The following PTPRM variants were observed in gnomAD, a reference collection of about 807,000 sequenced individuals.
The protein encoded by PTPRM is receptor-type tyrosine-protein phosphatase mu.
In PTPRM, 47 loss-of-function variants were observed where a neutral mutation model predicts 186.7. That is an observed-to-expected ratio of 0.25 (90% CI 0.20 to 0.32). PTPRM has a LOEUF of 0.32. Ranked by LOEUF, PTPRM falls within the 10% of genes least tolerant of loss-of-function variation. The probability of loss-of-function intolerance (pLI) is 1.00; values close to 1 mark genes in which losing one functional copy is unlikely to be tolerated. For missense variants in PTPRM, 1,494 were observed against 1,865.0 expected, an observed-to-expected ratio of 0.80 and a Z score of 3.66; for synonymous variants, 668 against 674.9, an observed-to-expected ratio of 0.99 and a Z score of 0.16.
chr18:7,615,619 C>A (rs867580739), intron 1 of PTPRM, among the ~76,000 whole-genome samples: 1 of 152,122 alleles, frequency 6.6e-6, no homozygotes, highest in African/African-American at 2.4e-5. Context: ...GAAGTCCTCC[C>A]CTCCCTTCCT....
In PTPRM at chr18:7,966,515, G is replaced by C. The variant is rs538840479; in HGVS notation, c.1132+11101G>C. On this transcript the variant is annotated intron_variant, in intron 7 of 32. Coordinates refer to ENST00000580170, the MANE Select transcript of PTPRM (RefSeq NM_001105244.2). ...TCCCAGCGTGAGCGACGCAGAAGAC[G>C]GGTGATTTCTGCATTTCCATCTGAG... Among the ~76,000 whole-genome samples, 15 of 151,606 alleles carry C rather than the reference G, an allele frequency of 9.9e-5. No individual in the cohort carries two copies. In the East Asian group the frequency reaches 2.1e-3, roughly 22 times the overall value.
chr18:7,627,317 C>T (rs1287016870), intron 1 of PTPRM, among the ~76,000 whole-genome samples: 1 of 152,150 alleles, frequency 6.6e-6, no homozygotes, highest in African/African-American at 2.4e-5. Flanking sequence ...ATAGCTGTCT[C>T]CCTCAAAGGC....
intron 2 of PTPRM, among the ~76,000 whole-genome samples, chr18:7,867,638 C>G (rs2047777181): frequency 1.3e-5 from 2 of 152,142 alleles, no homozygotes; most frequent in Admixed American, 6.5e-5. Context: ...ATATTTTATC[C>G]TTCATTTCAA....
intron 19 of PTPRM, among the ~76,000 whole-genome samples, chr18:8,265,564 G>A (rs1568630263): frequency 1.3e-5 from 2 of 151,312 alleles, no homozygotes; most frequent in Non-Finnish European, 3.0e-5. Context: ...TCAATGGAAT[G>A]ATACAAAATA....
Position 8,085,891 on chromosome 18 carries a change from T to C in PTPRM, c.1753+19T>C. On this transcript the variant is annotated intron_variant, in intron 10 of 32. Coordinates refer to ENST00000580170, the MANE Select transcript of PTPRM (RefSeq NM_001105244.2). Reference sequence around the variant, plus strand: ...ATATCAGGTACTCTACATTCGTGAGTTGTGTCTTTTATCAGAAGTAACATT... The same window carrying C: ...ATATCAGGTACTCTACATTCGTGAGCTGTGTCTTTTATCAGAAGTAACATT... The C allele has an allele frequency of 6.2e-7, 1 of 1,603,720 alleles. No individual in the cohort carries two copies. The highest frequency in any genetic ancestry group is 8.5e-7 in the Non-Finnish European group (1 of 1,171,254).
chr18:8,040,773 G>C (rs2086643241), intron 7 of PTPRM, among the ~76,000 whole-genome samples: 1 of 152,190 alleles, frequency 6.6e-6, no homozygotes, highest in African/African-American at 2.4e-5. Flanking sequence ...TTTATCTGGA[G>C]AATGTTGTTC....
intron 31 of PTPRM, among the ~76,000 whole-genome samples, chr18:8,392,427 A>G (rs750318447): frequency 3.9e-5 from 6 of 152,100 alleles, no homozygotes; most frequent in Non-Finnish European, 5.9e-5. Flanking sequence ...GATTGAGACT[A>G]TCCTGGCTAA....
intron 14 of PTPRM, among the ~76,000 whole-genome samples, chr18:8,212,447 A>G (rs1043927808): frequency 6.6e-6 from 1 of 152,028 alleles, no homozygotes; most frequent in Non-Finnish European, 1.5e-5. Flanking sequence ...GTGTGTGTGT[A>G]TACACACACA....
At chr18:8,139,605 T>C (rs1009619741) in intron 13 of PTPRM, among the ~76,000 whole-genome samples, 9 of 152,194 alleles carry the variant, frequency 5.9e-5, no homozygotes, top group African/African-American at 1.9e-4. Flanking sequence ...ATGCTTCACC[T>C]TCTCCGCAGT....
At chr18:8,341,212 G>C (rs184188327) in intron 22 of PTPRM, among the ~76,000 whole-genome samples, 16 of 152,342 alleles carry the variant, frequency 1.1e-4, no homozygotes, top group Admixed American at 9.1e-4. Flanking sequence ...AGTCGAGAAA[G>C]GGAATCATAC....
At chr18:8,094,906 T>G (rs1253489132) in intron 11 of PTPRM, among the ~76,000 whole-genome samples, 1 of 152,170 alleles carries the variant, frequency 6.6e-6, no homozygotes, top group Non-Finnish European at 1.5e-5. Flanking sequence ...AAGCATAGTT[T>G]CAAATCCAGG....
chr18:7,931,640 G>C (rs2051491705), intron 5 of PTPRM, among the ~76,000 whole-genome samples: 1 of 152,192 alleles, frequency 6.6e-6, no homozygotes, highest in African/African-American at 2.4e-5. Context: ...GGCGGAGGTT[G>C]CAGTGAGCCG....
intron 14 of PTPRM, among the ~76,000 whole-genome samples, chr18:8,187,586 G>A (rs944117234): frequency 6.6e-6 from 1 of 152,362 alleles, no homozygotes; most frequent in Non-Finnish European, 1.5e-5. Flanking sequence ...TGGTAACAGT[G>A]TGGACAGCAC....
intron 19 of PTPRM, among the ~76,000 whole-genome samples, chr18:8,271,844 GTTTA>G (rs1178099377): frequency 6.6e-6 from 1 of 151,692 alleles, no homozygotes; most frequent in African/African-American, 2.4e-5. Context: ...TAATTATATA[GTTTA>G]TTTATGCCTT....
intron 1 of PTPRM, among the ~76,000 whole-genome samples, chr18:7,633,995 T>TC (rs1464913696): frequency 6.6e-6 from 1 of 152,112 alleles, no homozygotes; most frequent in Non-Finnish European, 1.5e-5. Context: ...CTTCCATTTT[T>TC]CACCTGGGAA....
chr18:7,984,987 T>A lies in PTPRM; in HGVS notation c.1132+29573T>A, dbSNP rs1156922736. On this transcript the variant is annotated intron_variant, in intron 7 of 32. Coordinates refer to ENST00000580170, the MANE Select transcript of PTPRM (RefSeq NM_001105244.2). The stretch of plus-strand genomic sequence containing the variant: ...TACATATAATTATATATACATATAA[T>A]TATATACATATAATTGTATATACAT... 4.9e-4 allele frequency among the ~76,000 whole-genome samples: 58 copies of A among 119,244 alleles called. 1 individual carries two copies. Among genetic ancestry groups the A allele is most frequent in the Non-Finnish European group, 7.8e-4 (49 of 62,476 alleles). 78.2% of individuals were successfully genotyped at this position (119,244 alleles called of 152,430 possible).
chr18:8,091,396 T>A (rs1182376988), intron 11 of PTPRM, among the ~76,000 whole-genome samples: 1 of 152,158 alleles, frequency 6.6e-6, no homozygotes, highest in Non-Finnish European at 1.5e-5. Context: ...TTAATAAATA[T>A]ATCCATGTTC....
chr18:7,676,271 A>G (rs978493746), intron 1 of PTPRM, among the ~76,000 whole-genome samples: 1 of 152,170 alleles, frequency 6.6e-6, no homozygotes, highest in Non-Finnish European at 1.5e-5. Context: ...AGAAAAAGTC[A>G]TTCATCTCCT....
At chr18:7,921,526 G>A (rs1030470492) in intron 4 of PTPRM, among the ~76,000 whole-genome samples, 5 of 151,602 alleles carry the variant, frequency 3.3e-5, no homozygotes, top group South Asian at 2.1e-4. Context: ...GACTACAGGC[G>A]CCTGCCACCA....
Sources: allele counts gnomAD v4.1 joint callset (sites outside exome capture counted in the v4.1 genomes callset), GRCh38; gene constraint gnomAD v4.1.1; transcripts MANE v1.5; gene names NCBI Gene and HGNC (gene_info 2026-07-23, HGNC 2026-07-21).